Variants in LY75 observed in about 807,000 individuals in gnomAD.
LY75 encodes the protein lymphocyte antigen 75, also known as C-type lectin domain family 13 member B.
A neutral mutation model predicts 231.7 loss-of-function variants in LY75; 185 were observed. That is an observed-to-expected ratio of 0.80 (90% confidence interval 0.71 to 0.90). LY75 has a LOEUF of 0.90. Ranked by LOEUF, LY75 falls within the 40% of genes least tolerant of loss-of-function variation. The pLI, the probability that LY75 is intolerant of heterozygous loss-of-function variation, is 0.00. For missense variants in LY75, 1,947 were observed against 2,050.2 expected (o/e 0.95, Z 0.97); for synonymous variants, 668 against 689.0 (o/e 0.97, Z 0.48).
At chr2:159,824,645 A>G (rs562504053) in intron 28 of LY75, among the ~76,000 whole-genome samples, 2 of 152,350 alleles carry the variant, frequency 1.3e-5, no homozygotes, top group South Asian at 4.1e-4. Flanking sequence ...CTCCAGCCCA[A>G]ATCAATAGAA....
At chr2:159,885,364 T>C (rs1311044580) in intron 5 of LY75, 71 bp from the exon 6 acceptor site, 2 of 1,534,910 alleles carry the variant, frequency 1.3e-6, no homozygotes, top group African/African-American at 2.8e-5. Flanking sequence ...GAAAGAATAA[T>C]TTGTATTCCT....
rs181457531 is a variant in LY75 at position 159,849,326 on chromosome 2, G to A, written c.3150+654C>T. ...AGTATAGAGAACAGAAGCAGTGGGC[G>A]GTAATACTGTGGTGTCAGCATAACT... On this transcript the variant is annotated intron_variant, in intron 23 of 34. Transcript: ENST00000263636. Among the ~76,000 whole-genome samples, 376 of 152,202 alleles carry A rather than the reference G, an allele frequency of 2.5e-3. 2 individuals carry two copies. The highest frequency in any genetic ancestry group is 8.3e-3 in the African/African-American group (344 of 41,536).
At chr2:159,869,568 G>T (rs761286886) in intron 13 of LY75, among the ~76,000 whole-genome samples, 1 of 152,150 alleles carries the variant, frequency 6.6e-6, no homozygotes, top group Non-Finnish European at 1.5e-5. Context: ...AGAATCTTGC[G>T]AGGCCGCAGC....
intron 33 of LY75, 22 bp from the exon 34 acceptor site, chr2:159,807,162 A>C (rs761197115): frequency 6.3e-7 from 1 of 1,599,792 alleles, no homozygotes. Flanking sequence ...AATTAAATAC[A>C]ACTATGTCTA....
Position 159,815,431 on chromosome 2 carries a change from C to T in LY75, c.4523G>A (p.Gly1508Asp). The T allele has an allele frequency of 1.9e-6, 3 of 1,608,206 alleles. No homozygotes were observed. Among genetic ancestry groups the T allele is most frequent in the Non-Finnish European group, 2.5e-6 (3 of 1,178,540 alleles). Residue 1508 changes from glycine to aspartate, a missense_variant, in exon 31 of 35, where the codon GGT (glycine) becomes GAT (aspartate). Physicochemically the swap from Gly to Asp is moderately conservative, Grantham distance 94. Coordinates refer to ENST00000263636, the MANE Select transcript of LY75 (RefSeq NM_002349.4). Reference protein sequence around the residue: ...KHEKCNSVKDGAICYKPTKSK... With the variant: ...KHEKCNSVKDDAICYKPTKSK... ...TTTTGTAGGTTTATAACAAATAGCA[C>T]CATCCTTAACAGAGTTGCATTTTTC...
chr2:159,898,573 G>A, intron 2 of LY75, 115 bp downstream of exon 2: 2 of 1,476,656 alleles, frequency 1.4e-6, no homozygotes, highest in Non-Finnish European at 9.1e-7. Flanking sequence ...GAAGTGAAGA[G>A]CTTACTCACT....
intron 32 of LY75, among the ~76,000 whole-genome samples, chr2:159,810,137 G>T (rs1345973411): frequency 6.6e-6 from 1 of 152,116 alleles, no homozygotes; most frequent in Non-Finnish European, 1.5e-5. Flanking sequence ...GGGTTCAAGC[G>T]ATTCTCCTGC....
At chr2:159,817,078 A>G in intron 29 of LY75, 46 bp from the exon 30 acceptor site, 3 of 1,497,768 alleles carry the variant, frequency 2.0e-6, no homozygotes, top group Non-Finnish European at 2.7e-6. Flanking sequence ...AATTATTTCA[A>G]ATACATCTTT....
chr2:159,808,673 AT>A, intron 32 of LY75, 102 bp from the exon 33 acceptor site: 1 of 1,463,302 alleles, frequency 6.8e-7, no homozygotes. Flanking sequence ...TAACAAGATC[AT>A]TGATAAATTC....
chr2:159,885,457 G>A (rs921563638), intron 5 of LY75, 164 bp from the exon 6 acceptor site: 10 of 412,928 alleles, frequency 2.4e-5, no homozygotes, highest in Non-Finnish European at 3.3e-5. Context: ...ATAATTATGT[G>A]CTTAAATATG....
intron 16 of LY75, among the ~76,000 whole-genome samples, chr2:159,856,556 C>T (rs1478370047): frequency 6.6e-6 from 1 of 152,110 alleles, no homozygotes; most frequent in Non-Finnish European, 1.5e-5. Context: ...TGCATCACAT[C>T]GTAACTTAGA....
intron 23 of LY75, among the ~76,000 whole-genome samples, chr2:159,842,699 T>C (rs539404822): frequency 6.6e-6 from 1 of 152,284 alleles, no homozygotes; most frequent in African/African-American, 2.4e-5. Context: ...ATTCAACTTA[T>C]TAGATTTTTA....
chr2:159,850,033 A>G lies in LY75; in HGVS notation c.3097T>C (p.Tyr1033His), dbSNP rs78685880. The G allele has an allele frequency of 1.1e-3, 1,754 of 1,613,992 alleles. 26 individuals carry two copies. In the East Asian group the frequency reaches 0.027, roughly 25 times the overall value. Reference protein sequence around the residue: ...NKWTDNRELTYSNFHPLLVSG... With the variant: ...NKWTDNRELTHSNFHPLLVSG... The stretch of plus-strand genomic sequence containing the variant: ...ACCAATAATGGGTGAAAGTTACTGT[A>G]CGTCAGCTCTCTGTTATCTGTCCAT... Residue 1033 changes from tyrosine to histidine, a missense_variant, in exon 23 of 35, where the codon TAC (tyrosine) becomes CAC (histidine). Tyr to His is a moderately conservative substitution (Grantham distance 83). Coordinates refer to ENST00000263636, the MANE Select transcript of LY75 (RefSeq NM_002349.4).
rs565609396 is a variant in LY75, at chr2:159,826,575, C to G, written c.3958+5095G>C. On this transcript the variant is annotated intron_variant, in intron 28 of 34. Coordinates refer to ENST00000263636, the MANE Select transcript of LY75 (RefSeq NM_002349.4). ...CAATGCTATCCCCATGAAGCTACCACTGACTTTCTTCACAGAACTGGAAAA... is the reference window on the plus strand; with the variant it reads ...CAATGCTATCCCCATGAAGCTACCAGTGACTTTCTTCACAGAACTGGAAAA... Among the ~76,000 whole-genome samples the G allele has an allele frequency of 9.2e-5, 14 of 152,230 alleles. No individual in the cohort carries two copies. In the East Asian group the frequency reaches 2.7e-3, roughly 29 times the overall value.
chr2:159,878,522 G>GT, intron 10 of LY75, 29 bp from the exon 11 acceptor site: 1 of 1,613,082 alleles, frequency 6.2e-7, no homozygotes, highest in Non-Finnish European at 8.5e-7. Flanking sequence ...ATTGGCAAGT[G>GT]TTTCACAATG....
intron 5 of LY75, among the ~76,000 whole-genome samples, chr2:159,885,936 T>A (rs1400935226): frequency 6.6e-6 from 1 of 152,186 alleles, no homozygotes; most frequent in Non-Finnish European, 1.5e-5. Flanking sequence ...ATTTTGCTTG[T>A]TTTATTCCCT....
Position 159,852,265 on chromosome 2 carries a change from T to A in LY75, c.2819A>T (p.Lys940Ile), listed in dbSNP as rs1387873742. The change falls in exon 21 of 35, where the codon AAA becomes ATA. Residue 940 changes from lysine to isoleucine, a missense_variant. Coordinates refer to ENST00000263636, the MANE Select transcript of LY75 (RefSeq NM_002349.4). ...TTTAGCTGCAGAATCTGGGCTGTAT[T>A]TCTCTAACGAAGAAACATTATATTT... ...CEKYNVSSLE[K>I]YSPDSAAKVQ... 1 of 1,614,118 alleles carries A rather than the reference T, an allele frequency of 6.2e-7. No individual in the cohort carries two copies. The highest frequency in any genetic ancestry group is 8.5e-7 in the Non-Finnish European group (1 of 1,179,998).
At chr2:159,867,144 T>C (rs1390347977) in intron 13 of LY75, among the ~76,000 whole-genome samples, 1 of 152,196 alleles carries the variant, frequency 6.6e-6, no homozygotes, top group Non-Finnish European at 1.5e-5. Flanking sequence ...AAATGTTTCA[T>C]TTGAACACAG....
At chr2:159,887,672 C>T (rs565588557) in intron 4 of LY75, among the ~76,000 whole-genome samples, 2 of 151,656 alleles carry the variant, frequency 1.3e-5, no homozygotes, top group East Asian at 1.9e-4. Context: ...CATAATTAGG[C>T]GTATTGATAT....
Sources: allele counts gnomAD v4.1 joint callset (sites outside exome capture counted in the v4.1 genomes callset), GRCh38; gene constraint gnomAD v4.1.1; transcripts MANE v1.5; gene names NCBI Gene and HGNC (gene_info 2026-07-23, HGNC 2026-07-21).